Variants in OARD1 observed in about 807,000 individuals in gnomAD.
OARD1 encodes ADP-ribose glycohydrolase OARD1.
A neutral mutation model predicts 19.7 loss-of-function variants in OARD1; 19 were observed. The ratio of observed to expected loss-of-function variants is 0.96; its 90% CI spans 0.67 to 1.41. OARD1 has a LOEUF of 1.41. Among genes scored for constraint, OARD1 ranks in the 40% most tolerant of loss-of-function variants. The pLI is 0.00. For synonymous variants in OARD1, 70 were observed against 61.8 expected, an observed-to-expected ratio of 1.13 and a Z score of -0.62; for missense variants, 190 against 183.8, an observed-to-expected ratio of 1.03 and a Z score of -0.20.
At chr6:41,086,921 T>C (rs1764062577) in intron 1 of OARD1, among the ~76,000 whole-genome samples, 1 of 152,016 alleles carries the variant, frequency 6.6e-6, no homozygotes, top group Non-Finnish European at 1.5e-5. Context: ...CAAAAGAAAA[T>C]ATAAGAATTT....
intron 1 of OARD1, among the ~76,000 whole-genome samples, chr6:41,083,834 T>A (rs919078871): frequency 6.6e-6 from 1 of 152,238 alleles, no homozygotes; most frequent in Non-Finnish European, 1.5e-5. Flanking sequence ...TATTCTCCAT[T>A]ATGTCTGACC....
At chr6:41,089,307 G>C (rs1225984301) in intron 1 of OARD1, among the ~76,000 whole-genome samples, 2 of 152,126 alleles carry the variant, frequency 1.3e-5, no homozygotes, top group Admixed American at 6.5e-5. Flanking sequence ...AAATATGCAT[G>C]CTTTTCAATA....
chr6:41,073,792 C>T (rs778590541), upstream of OARD1, among the ~76,000 whole-genome samples: 1 of 152,160 alleles, frequency 6.6e-6, no homozygotes, highest in African/African-American at 2.4e-5. Context: ...CGCGCCCCTC[C>T]TCCCAGCCCG....
At chr6:41,074,771 T>C (rs1763687266), upstream of OARD1, among the ~76,000 whole-genome samples, 1 of 152,214 alleles carries the variant, frequency 6.6e-6, no homozygotes, top group Non-Finnish European at 1.5e-5. Flanking sequence ...TAGAGCTATA[T>C]TTTTTCCTAA....
intron 1 of OARD1, chr6:41,090,182 T>C (rs759417152): frequency 1.3e-6 from 2 of 1,494,348 alleles, no homozygotes; most frequent in South Asian, 2.3e-5. Context: ...TGTTGAATTG[T>C]GTCATTACTT....
chr6:41,093,092 A>G lies in OARD1; in HGVS notation c.-42+4621T>C, dbSNP rs775852517. 10 of 1,613,142 alleles carry G rather than the reference A, an allele frequency of 6.2e-6. 1 individual carries two copies. The South Asian group carries it at 9.9e-5, about 16-fold the overall frequency. On this transcript the variant is annotated intron_variant, in intron 1 of 4. Coordinates refer to the OARD1 transcript ENST00000480585. ...AATTCCAAAGGAGAGAAGGGTATGT[A>G]TAACATTGGGAAGGATATAGGAAAG...
At chr6:41,083,472 G>A (rs192016909) in intron 1 of OARD1, among the ~76,000 whole-genome samples, 1 of 151,906 alleles carries the variant, frequency 6.6e-6, no homozygotes, top group Non-Finnish European at 1.5e-5. Flanking sequence ...AGTAAAATGA[G>A]CAGGATAAAG....
chr6:41,090,209 G>A (rs1374903550), intron 1 of OARD1: 2 of 1,608,776 alleles, frequency 1.2e-6, no homozygotes, highest in Non-Finnish European at 8.5e-7. Context: ...TCCAGACACA[G>A]CAGCAGATTG....
intron 1 of OARD1, 117 bp from the exon 2 acceptor site, chr6:41,071,792 G>A (rs1269509077): frequency 2.7e-5 from 17 of 635,772 alleles, no homozygotes; most frequent in East Asian, 1.1e-4. Context: ...ATGAATGTGA[G>A]TTTGTTCGGC....
intron 1 of OARD1, among the ~76,000 whole-genome samples, chr6:41,095,587 T>A (rs1438627052): frequency 2.6e-5 from 4 of 152,140 alleles, no homozygotes; most frequent in African/African-American, 9.7e-5. Context: ...CGCACCACCA[T>A]GCCCAGCTAA....
intron 1 of OARD1, among the ~76,000 whole-genome samples, chr6:41,086,438 TTC>T (rs1764045762): frequency 6.6e-6 from 1 of 152,200 alleles, no homozygotes. Context: ...AAAAAATATA[TTC>T]TGTTACGTAA....
At chr6:41,086,488 C>T (rs753584299) in intron 1 of OARD1, among the ~76,000 whole-genome samples, 3 of 152,104 alleles carry the variant, frequency 2.0e-5, no homozygotes, top group Non-Finnish European at 4.4e-5. Context: ...GCCTCCCTTA[C>T]AATACTTAAG....
chr6:41,092,552 T>C (rs528387795), intron 1 of OARD1, among the ~76,000 whole-genome samples: 63 of 152,346 alleles, frequency 4.1e-4, no homozygotes, highest in African/African-American at 1.4e-3. Context: ...TTTATAAATA[T>C]AGGCATTTAG....
At chr6:41,090,162 C>T (rs1764162249) in intron 1 of OARD1, 2 of 1,304,632 alleles carry the variant, frequency 1.5e-6, no homozygotes, top group South Asian at 1.2e-5. Context: ...TTGTTAGTAT[C>T]TTTGGGATCT....
chr6:41,091,450 A>C, intron 1 of OARD1: 1 of 1,438,038 alleles, frequency 7.0e-7, no homozygotes, highest in Non-Finnish European at 9.5e-7. Flanking sequence ...TACCAGATAG[A>C]AGAGGGACTA....
At chr6:41,092,978 G>T in intron 1 of OARD1, 1 of 1,614,036 alleles carries the variant, frequency 6.2e-7, no homozygotes, top group East Asian at 2.2e-5. Flanking sequence ...AGAGATGCTT[G>T]AAGAAGAGCC....
intron 1 of OARD1, chr6:41,071,897 G>A (rs1175055054): frequency 4.2e-6 from 2 of 481,496 alleles, no homozygotes; most frequent in Non-Finnish European, 3.7e-6. Flanking sequence ...TGCTTTCCTG[G>A]AGCGCCCCGC....
chr6:41,088,639 AG>A (rs1391260188), intron 1 of OARD1, among the ~76,000 whole-genome samples: 1 of 151,694 alleles, frequency 6.6e-6, no homozygotes, highest in Non-Finnish European at 1.5e-5. Flanking sequence ...GCTGGAATGC[AG>A]TGGTGCGGAT....
intron 1 of OARD1, among the ~76,000 whole-genome samples, chr6:41,088,344 A>C (rs1427385470): frequency 1.4e-5 from 2 of 146,284 alleles, no homozygotes; most frequent in African/African-American, 5.2e-5. Context: ...AATGGCATGA[A>C]CCCAGGAGGC....
Sources: gnomAD v4.1 joint callset for allele counts (sites outside exome capture counted in the v4.1 genomes callset) on GRCh38, gnomAD v4.1.1 for gene constraint, MANE v1.5 for transcripts, NCBI Gene and HGNC (gene_info 2026-07-23, HGNC 2026-07-21) for gene names.